ARL5A: variants seen among roughly 807,000 people sequenced by gnomAD.
ARL5A encodes ARF like GTPase 5A.
ARL5A carries 18 observed loss-of-function variants against 25.9 expected under a neutral mutation model. The ratio of observed to expected loss-of-function variants is 0.69; its 90% confidence interval spans 0.48 to 1.03. The LOEUF (loss-of-function observed/expected upper bound fraction) is 1.03. ARL5A is among the 50% of genes least tolerant of loss of function. The pLI is 0.00. For missense variants in ARL5A, 170 were observed against 211.9 expected, an observed-to-expected ratio of 0.80 and a Z score of 1.23; for synonymous variants, 61 against 67.5, an observed-to-expected ratio of 0.90 and a Z score of 0.47.
chr2:151,804,136 G>A (rs1232699245), intron 5 of ARL5A, among the ~76,000 whole-genome samples: 1 of 152,074 alleles, frequency 6.6e-6, no homozygotes, highest in Non-Finnish European at 1.5e-5. Flanking sequence ...AATATATATT[G>A]TAGTTATTAA....
rs1484271149 is a variant in ARL5A at position 151,799,871 on chromosome 2, T to G, written c.*3405A>C. 1 of 152,172 alleles carries G rather than the reference T, an allele frequency of 6.6e-6. No homozygotes were observed. The highest frequency in any genetic ancestry group is 1.9e-4 in the East Asian group (1 of 5,198). 9.4% of individuals were successfully genotyped at this position (152,172 alleles called of 1,614,324 possible). ...TTTAGAATAACCTCCAGGACAGAGA[T>G]CTCTTCACTAATAGTAAATGAAGAT... is the stretch of plus-strand genomic sequence containing the variant. On this transcript the variant is annotated 3_prime_UTR_variant, in exon 6 of 6. Coordinates refer to ENST00000295087, the MANE Select transcript of ARL5A (RefSeq NM_012097.4).
intron 1 of ARL5A, among the ~76,000 whole-genome samples, chr2:151,818,303 G>A (rs539822488): frequency 6.6e-5 from 10 of 151,944 alleles, no homozygotes; most frequent in Admixed American, 1.3e-4. Flanking sequence ...TTTGAGACAG[G>A]GTCTCACTCT....
At chr2:151,825,974 T>G (rs902144106) in intron 1 of ARL5A, among the ~76,000 whole-genome samples, 5 of 151,950 alleles carry the variant, frequency 3.3e-5, no homozygotes, top group African/African-American at 1.2e-4. Context: ...AATACAAAAA[T>G]TAGCTGGGTG....
intron 1 of ARL5A, among the ~76,000 whole-genome samples, chr2:151,819,821 C>T (rs183809593): frequency 3.3e-5 from 5 of 151,286 alleles, no homozygotes; most frequent in East Asian, 1.9e-4. Context: ...TTTGGGAGGC[C>T]GAGGCAGGTG....
At chr2:151,817,342 T>G (rs1414921266) in intron 1 of ARL5A, among the ~76,000 whole-genome samples, 1 of 152,240 alleles carries the variant, frequency 6.6e-6, no homozygotes, top group Non-Finnish European at 1.5e-5. Context: ...ATATTAATCA[T>G]CTTTACATTT....
intron 1 of ARL5A, among the ~76,000 whole-genome samples, chr2:151,824,975 T>C (rs1282787689): frequency 2.0e-5 from 3 of 152,230 alleles, no homozygotes; most frequent in Non-Finnish European, 4.4e-5. Context: ...ATCAACTAAG[T>C]GAATATTAAA....
In ARL5A at chr2:151,828,163, A is replaced by C; in HGVS notation, c.14T>G (p.Phe5Cys). 1.2e-6 allele frequency: 2 copies of C among 1,605,168 alleles called. No homozygotes were observed. Among genetic ancestry groups the C allele is most frequent in the Non-Finnish European group, 1.7e-6 (2 of 1,176,392 alleles). Residue 5 changes from phenylalanine to cysteine, a missense_variant, in exon 1 of 6, where the codon TTC becomes TGC. Phe to Cys is a radical substitution (Grantham distance 205). Coordinates refer to ENST00000295087, the MANE Select transcript of ARL5A (RefSeq NM_012097.4). The stretch of plus-strand genomic sequence containing the variant: ...ATTGAACAGTCTCCATATTCTAGTG[A>C]AGAGAATTCCCATTCTCGGGCAGCG... The part of the protein sequence containing the change: MGIL[F>C]TRIWRLFNHQ...
Position 151,803,323 on chromosome 2 carries a change from A to C in ARL5A, c.493T>G (p.Leu165Val), listed in dbSNP as rs1464876435. ...QACCALTGEG[L>V]CQGLEWMMSR... Reference sequence around the variant, plus strand: ...ATCATCCATTCAAGTCCTTGGCACAATCTATAAAGAAAACAAAATCATTTG... The same window carrying C: ...ATCATCCATTCAAGTCCTTGGCACACTCTATAAAGAAAACAAAATCATTTG... Residue 165 changes from leucine (L) to valine (V), a missense_variant and splice_region_variant, in exon 6 of 6, where the codon TTG (leucine) becomes GTG (valine). Transcript: ENST00000295087. The C allele has an allele frequency of 1.9e-6, 3 of 1,611,688 alleles. No homozygotes were observed. The Admixed American group carries it at 5.0e-5, about 27-fold the overall frequency.
intron 1 of ARL5A, among the ~76,000 whole-genome samples, chr2:151,819,486 A>C (rs2099831967): frequency 6.6e-6 from 1 of 152,210 alleles, no homozygotes. Flanking sequence ...TGAAATATGA[A>C]GAATTATTTA....
chr2:151,825,461 T>G (rs1030915195), intron 1 of ARL5A, among the ~76,000 whole-genome samples: 2 of 152,160 alleles, frequency 1.3e-5, no homozygotes, highest in Admixed American at 1.3e-4. Context: ...CTTCAAAAGA[T>G]TGTTAAAACA....
intron 1 of ARL5A, among the ~76,000 whole-genome samples, chr2:151,826,187 A>C (rs746617342): frequency 2.6e-5 from 4 of 152,228 alleles, no homozygotes; most frequent in Non-Finnish European, 5.9e-5. Context: ...GGATATTCGG[A>C]AAAGTGACCC....
intron 1 of ARL5A, among the ~76,000 whole-genome samples, chr2:151,822,198 T>G (rs144772821): frequency 6.6e-6 from 1 of 151,828 alleles, no homozygotes. Flanking sequence ...TTAGTAGAGA[T>G]AGGGGTTTTG....
intron 3 of ARL5A, among the ~76,000 whole-genome samples, chr2:151,812,973 C>T (rs923724343): frequency 2.6e-5 from 4 of 152,104 alleles, no homozygotes; most frequent in African/African-American, 9.7e-5. Context: ...GCAAGCACAA[C>T]CCCTTCATAA....
rs1237887869 is a variant in ARL5A at position 151,800,353 on chromosome 2, C to T, written c.*2923G>A. ...GGAAAACAATGTCAGGGACTTCATG[C>T]CTTTGCTCAAGCTCTGTGCATTTCT... On this transcript the variant is annotated 3_prime_UTR_variant, in exon 6 of 6. Coordinates refer to ENST00000295087, the MANE Select transcript of ARL5A (RefSeq NM_012097.4). 1 of 152,156 alleles carries T rather than the reference C, an allele frequency of 6.6e-6. No homozygotes were observed. Among genetic ancestry groups the T allele is most frequent in the East Asian group, 1.9e-4 (1 of 5,200 alleles). 9.4% of individuals were successfully genotyped at this position (152,156 alleles called of 1,614,324 possible). A position where few individuals can be genotyped will look rare whatever the true frequency, so the allele number is the denominator to read the frequency against.
rs931726781 is a variant in ARL5A at position 151,824,341 on chromosome 2, C to CT, written c.46+3789dup. ...GCATATTAAACTCATTTTTTACTTA[C>CT]TGTATTTTCAATTATCTATCTATCA... On this transcript the variant is annotated intron_variant, in intron 1 of 5. Transcript: ENST00000295087. Among the ~76,000 whole-genome samples the CT allele has an allele frequency of 5.7e-4, 87 of 152,182 alleles. 1 individual carries two copies. Among genetic ancestry groups the CT allele is most frequent in the Admixed American group, 5.7e-3 (87 of 15,288 alleles).
rs2099829287 is a variant in ARL5A at position 151,800,685 on chromosome 2, A to C, written c.*2591T>G. On this transcript the variant is annotated 3_prime_UTR_variant, in exon 6 of 6. Coordinates refer to ENST00000295087, the MANE Select transcript of ARL5A (RefSeq NM_012097.4). ...ATTTCAAACAAGAACCCTCTATATA[A>C]TGTGTAAGATGTACTTTTACAGATG... 1 of 152,200 alleles carries C rather than the reference A, an allele frequency of 6.6e-6. No homozygotes were observed. Among genetic ancestry groups the C allele is most frequent in the African/African-American group, 2.4e-5 (1 of 41,460 alleles). The allele number at this position is 152,200 out of a possible 1,614,324, so 9.4% of individuals were successfully genotyped here. A position where few individuals can be genotyped will look rare whatever the true frequency, so the allele number is the denominator to read the frequency against.
At chr2:151,825,796 ATATC>A (rs1489714226) in intron 1 of ARL5A, among the ~76,000 whole-genome samples, 1 of 151,876 alleles carries the variant, frequency 6.6e-6, no homozygotes, top group Admixed American at 6.6e-5. Flanking sequence ...CATCCAACAC[ATATC>A]TAACTTATAT....
intron 2 of ARL5A, 129 bp downstream of exon 2, chr2:151,815,010 T>G: frequency 1.4e-6 from 1 of 711,838 alleles, no homozygotes; most frequent in South Asian, 1.8e-5. Context: ...TCCAGGTTTA[T>G]AGCCAACCTG....
At position 151,801,782 on chromosome 2, in the gene ARL5A, GTTTT is replaced by G. The variant is rs1218894487; in HGVS notation, c.*1490_*1493del. The G allele has an allele frequency of 6.6e-6, 1 of 151,218 alleles. No homozygotes were observed. The highest frequency in any genetic ancestry group is 6.6e-5 in the Admixed American group (1 of 15,182). The allele number at this position is 151,218 out of a possible 1,614,324, so 9.4% of individuals were successfully genotyped here. A position where few individuals can be genotyped will look rare whatever the true frequency, so the allele number is the denominator to read the frequency against. On this transcript the variant is annotated 3_prime_UTR_variant, in exon 6 of 6. Transcript: ENST00000295087. The stretch of plus-strand genomic sequence containing the variant: ...ATTTAAAAGGCTGATATTGAAGGTA[GTTTT>G]TTTTTCTCAAATATGCTAAAACATG...
Sources: gnomAD v4.1 joint callset for allele counts (sites outside exome capture counted in the v4.1 genomes callset) on GRCh38, gnomAD v4.1.1 for gene constraint, MANE v1.5 for transcripts, NCBI Gene and HGNC (gene_info 2026-07-23, HGNC 2026-07-21) for gene names.